Variants in CDKN2B-AS1 observed in about 807,000 individuals in gnomAD.
The protein encoded by CDKN2B-AS1 is CDKN2B antisense RNA 1 (non-protein coding).
intron 4 of CDKN2B-AS1, among the ~76,000 whole-genome samples, chr9:22,084,085 C>A (rs1824788153): frequency 6.6e-6 from 1 of 152,138 alleles, no homozygotes; most frequent in African/African-American, 2.4e-5. Context: ...GTTACTTGCA[C>A]CATTTCATTG....
intron 4 of CDKN2B-AS1, among the ~76,000 whole-genome samples, chr9:22,091,733 G>A (rs1335650894): frequency 1.3e-5 from 2 of 152,156 alleles, no homozygotes; most frequent in African/African-American, 4.8e-5. Context: ...CTGAGACGAT[G>A]GGGTTTTCTA....
chr9:22,101,304 A>T (rs1217515180), intron 4 of CDKN2B-AS1, among the ~76,000 whole-genome samples: 1 of 152,226 alleles, frequency 6.6e-6, no homozygotes, highest in Non-Finnish European at 1.5e-5. Context: ...CTTAACCACC[A>T]TAAGCAGACT....
chr9:22,127,678 G>C (rs1379973358), exon 5 of CDKN2B-AS1, among the ~76,000 whole-genome samples: 1 of 152,140 alleles, frequency 6.6e-6, no homozygotes, highest in East Asian at 1.9e-4. Context: ...GTGAGGAAGG[G>C]AGACAGGAGG....
intron 1 of CDKN2B-AS1, among the ~76,000 whole-genome samples, chr9:22,024,225 A>G (rs1449702114): frequency 6.6e-6 from 1 of 151,968 alleles, no homozygotes; most frequent in Non-Finnish European, 1.5e-5. Flanking sequence ...TCACCTCCCA[A>G]CTCCTGGACT....
intron 4 of CDKN2B-AS1, among the ~76,000 whole-genome samples, chr9:22,114,534 T>G (rs1261424773): frequency 2.0e-5 from 3 of 152,174 alleles, no homozygotes; most frequent in Non-Finnish European, 4.4e-5. Flanking sequence ...AAGAAAAACC[T>G]TAAGATTTCA....
intron 1 of CDKN2B-AS1, chr9:22,004,699 G>A (rs761355542): frequency 7.3e-5 from 17 of 232,712 alleles, no homozygotes; most frequent in East Asian, 1.8e-4. Flanking sequence ...GACATCCCAC[G>A]AGCCATCATA....
chr9:22,010,049 CTTTG>C (rs1473487862), intron 1 of CDKN2B-AS1, among the ~76,000 whole-genome samples: 28 of 152,058 alleles, frequency 1.8e-4, no homozygotes, highest in East Asian at 3.9e-4. Flanking sequence ...TACAGTAAAT[CTTTG>C]TTTGCACTCT....
At chr9:22,090,095 G>T (rs1405819473) in intron 4 of CDKN2B-AS1, among the ~76,000 whole-genome samples, 1 of 150,512 alleles carries the variant, frequency 6.6e-6, no homozygotes, top group African/African-American at 2.4e-5. Context: ...TTTTGTCCTT[G>T]TGATAATTTG....
At chr9:22,064,678 T>C (rs1823967835) in intron 4 of CDKN2B-AS1, among the ~76,000 whole-genome samples, 1 of 152,180 alleles carries the variant, frequency 6.6e-6, no homozygotes, top group South Asian at 2.1e-4. Context: ...GTGGGTTCAC[T>C]GTGTGGAGCC....
At chr9:22,116,046 T>C (rs1825941113) in intron 4 of CDKN2B-AS1, among the ~76,000 whole-genome samples, 1 of 152,242 alleles carries the variant, frequency 6.6e-6, no homozygotes, top group Non-Finnish European at 1.5e-5. Context: ...AATTAGAGTG[T>C]ATGCTCAACA....
chr9:22,091,044 T>C (rs1218727956), intron 4 of CDKN2B-AS1, among the ~76,000 whole-genome samples: 12 of 152,344 alleles, frequency 7.9e-5, no homozygotes, highest in Non-Finnish European at 1.2e-4. Context: ...TTTCTACATA[T>C]GGCTAGCCAG....
intron 1 of CDKN2B-AS1, among the ~76,000 whole-genome samples, chr9:22,033,372 G>A (rs1473154699): frequency 3.9e-5 from 6 of 152,086 alleles, no homozygotes; most frequent in African/African-American, 7.2e-5. Context: ...ACATACGGAC[G>A]AATTTGAATC....
At chr9:22,089,264 T>C (rs1824977289) in intron 4 of CDKN2B-AS1, among the ~76,000 whole-genome samples, 1 of 152,200 alleles carries the variant, frequency 6.6e-6, no homozygotes, top group East Asian at 1.9e-4. Flanking sequence ...CAAATTTCAG[T>C]GGATACTTGA....
intron 4 of CDKN2B-AS1, among the ~76,000 whole-genome samples, chr9:22,085,790 A>G (rs1824852038): frequency 6.8e-6 from 1 of 147,342 alleles, no homozygotes; most frequent in Admixed American, 6.9e-5. Flanking sequence ...CTGATCCTTG[A>G]CCTCCCTCCT....
At chr9:22,026,860 G>A (rs1426080298) in intron 1 of CDKN2B-AS1, among the ~76,000 whole-genome samples, 3 of 152,152 alleles carry the variant, frequency 2.0e-5, no homozygotes, top group African/African-American at 4.8e-5. Context: ...TTCACAAGGG[G>A]ATCTCCTGAT....
rs1184730433 is a variant in CDKN2B-AS1, at chr9:22,118,417, C to G, written n.439-8686C>G. 3.9e-5 allele frequency: 6 copies of G among 151,996 alleles called. No homozygotes were observed. The East Asian group carries it at 1.2e-3, about 29-fold the overall frequency. 9.4% of individuals were successfully genotyped at this position (151,996 alleles called of 1,614,324 possible). A position where few individuals can be genotyped will look rare whatever the true frequency, so the allele number is the denominator to read the frequency against. On this transcript the variant is annotated intron_variant and non_coding_transcript_variant, in intron 4 of 4. Transcript: ENST00000650946. Reference sequence around the variant, plus strand: ...GGCATAGCCAGCTAAATGGGTGTCACTTAGTCTGAAAAATCTCAAAGATGT... The same window carrying G: ...GGCATAGCCAGCTAAATGGGTGTCAGTTAGTCTGAAAAATCTCAAAGATGT...
intron 4 of CDKN2B-AS1, among the ~76,000 whole-genome samples, chr9:22,101,639 G>T (rs72652472): frequency 2.7e-4 from 40 of 148,646 alleles, no homozygotes; most frequent in Non-Finnish European, 5.0e-4. Flanking sequence ...ATAATCACAC[G>T]TTTCATTGCA....
intron 1 of CDKN2B-AS1, chr9:22,004,771 T>C (rs1821083109): frequency 8.6e-6 from 2 of 233,046 alleles, no homozygotes; most frequent in East Asian, 6.0e-5. Flanking sequence ...TATCCCAAGA[T>C]AATTTACTGC....
At chr9:22,084,343 A>G (rs1217663647) in intron 4 of CDKN2B-AS1, among the ~76,000 whole-genome samples, 2 of 152,178 alleles carry the variant, frequency 1.3e-5, no homozygotes, top group Admixed American at 6.5e-5. Flanking sequence ...ACCACTATTA[A>G]ATTTTGCAGG....
Sources: gnomAD v4.1 joint callset for allele counts (sites outside exome capture counted in the v4.1 genomes callset) on GRCh38, gnomAD v4.1.1 for gene constraint, MANE v1.5 for transcripts, NCBI Gene and HGNC (gene_info 2026-07-23, HGNC 2026-07-21) for gene names.